The following FHIT variants were observed in gnomAD, a reference collection of about 807,000 sequenced individuals.
The protein encoded by FHIT is fragile histidine triad diadenosine triphosphatase.
Under a neutral mutation model 17.9 loss-of-function variants are expected in FHIT, and 19 were observed. That is an observed-to-expected ratio of 1.06 (90% confidence interval 0.74 to 1.56). The LOEUF is 1.56. FHIT is among the 40% of genes most tolerant of loss of function. The probability of loss-of-function intolerance (pLI) is 0.00; values close to 1 mark genes in which losing one functional copy is unlikely to be tolerated. For synonymous variants in FHIT, 81 were observed against 69.7 expected, an observed-to-expected ratio of 1.16 and a Z score of -0.81; for missense variants, 248 against 189.2, an observed-to-expected ratio of 1.31 and a Z score of -1.82.
chr3:61,184,996 C>A (rs557323840), intron 2 of FHIT, among the ~76,000 whole-genome samples: 4 of 152,140 alleles, frequency 2.6e-5, no homozygotes, highest in Non-Finnish European at 5.9e-5. Context: ...GAAAACACAA[C>A]TGGTGATTTC....
chr3:60,331,050 A>G lies in FHIT; in HGVS notation c.103+205810T>C, dbSNP rs1244567589. Among the ~76,000 whole-genome samples, 3 of 152,254 alleles carry G rather than the reference A, an allele frequency of 2.0e-5. No individual in the cohort carries two copies. In the East Asian group the frequency reaches 5.8e-4, roughly 29 times the overall value. ...TCCTCCTGTCACCAGAATCCCCTGCATATCTTAGCGTGGAGTTGAAGGTCT... is the reference window on the plus strand; with the variant it reads ...TCCTCCTGTCACCAGAATCCCCTGCGTATCTTAGCGTGGAGTTGAAGGTCT... On this transcript the variant is annotated intron_variant, in intron 5 of 9. Transcript: ENST00000492590.
In FHIT at chr3:60,578,749, T is replaced by C. The variant is rs868920919; in HGVS notation, c.-17-41770A>G. On this transcript the variant is annotated intron_variant, in intron 4 of 9. Coordinates refer to ENST00000492590, the MANE Select transcript of FHIT (RefSeq NM_002012.4). The stretch of plus-strand genomic sequence containing the variant: ...CCTAATGTTAATATTCTAAAATAAA[T>C]GAAACATTTTTGAAGGGAGTATTCA... Among the ~76,000 whole-genome samples, 23 of 152,058 alleles carry C rather than the reference T, an allele frequency of 1.5e-4. No individual in the cohort carries two copies. In the South Asian group the frequency reaches 3.1e-3, roughly 21 times the overall value.
intron 5 of FHIT, among the ~76,000 whole-genome samples, chr3:60,137,911 C>T (rs777577180): frequency 5.9e-5 from 9 of 152,124 alleles, no homozygotes; most frequent in South Asian, 2.1e-4. Context: ...TGGTTACATG[C>T]TTCTCATATC....
Position 61,245,475 on chromosome 3 carries a change from G to A in FHIT, c.-213+5826C>T, listed in dbSNP as rs2040467397. 2.0e-5 allele frequency among the ~76,000 whole-genome samples: 3 copies of A among 152,222 alleles called. No homozygotes were observed. In the South Asian group the frequency reaches 6.2e-4, roughly 32 times the overall value. ...TATCCTAAGTACTTGCTACTCAAAG[G>A]ACGATCCATGGACCAGCAGCATCAG... On this transcript the variant is annotated intron_variant, in intron 1 of 9. Coordinates refer to ENST00000492590, the MANE Select transcript of FHIT (RefSeq NM_002012.4).
At chr3:60,399,199 C>T (rs1291694686) in intron 5 of FHIT, among the ~76,000 whole-genome samples, 1 of 152,132 alleles carries the variant, frequency 6.6e-6, no homozygotes, top group Non-Finnish European at 1.5e-5. Context: ...ATCATCATAT[C>T]TGCTTTATTA....
chr3:60,581,491 AT>A (rs2037748609), intron 4 of FHIT, among the ~76,000 whole-genome samples: 1 of 152,056 alleles, frequency 6.6e-6, no homozygotes, highest in Admixed American at 6.6e-5. Flanking sequence ...GGTAGGTAAT[AT>A]TTTTGTTTTA....
intron 5 of FHIT, among the ~76,000 whole-genome samples, chr3:60,033,052 T>G (rs1361028699): frequency 4.6e-5 from 7 of 152,138 alleles, no homozygotes; most frequent in Non-Finnish European, 1.0e-4. Flanking sequence ...CATAACAATA[T>G]TGGATTAAAA....
At chr3:61,087,143 C>T (rs1234196522) in intron 2 of FHIT, among the ~76,000 whole-genome samples, 5 of 152,096 alleles carry the variant, frequency 3.3e-5, no homozygotes, top group Non-Finnish European at 7.4e-5. Flanking sequence ...GACAATTTAT[C>T]TAATCTTGTG....
At chr3:60,631,876 T>C (rs552955191) in intron 4 of FHIT, among the ~76,000 whole-genome samples, 1 of 152,282 alleles carries the variant, frequency 6.6e-6, no homozygotes, top group Non-Finnish European at 1.5e-5. Context: ...CAGTTTCTTC[T>C]GAGATGAAAC....
intron 5 of FHIT, among the ~76,000 whole-genome samples, chr3:60,014,747 G>C (rs966497119): frequency 6.6e-6 from 1 of 152,124 alleles, no homozygotes; most frequent in African/African-American, 2.4e-5. Context: ...TTTATGACAA[G>C]AGTTCCTCAG....
chr3:61,129,806 G>A (rs1185409044), intron 2 of FHIT, among the ~76,000 whole-genome samples: 2 of 152,182 alleles, frequency 1.3e-5, no homozygotes, highest in Non-Finnish European at 2.9e-5. Flanking sequence ...GTGCTTAAAT[G>A]TTCAGTAAAT....
intron 2 of FHIT, among the ~76,000 whole-genome samples, chr3:61,146,370 T>A (rs1298584758): frequency 6.6e-6 from 1 of 152,032 alleles, no homozygotes; most frequent in East Asian, 1.9e-4. Context: ...GTTGGGATAA[T>A]CACAGGGTTT....
chr3:61,194,737 G>C (rs2038807785), intron 2 of FHIT, among the ~76,000 whole-genome samples: 2 of 152,146 alleles, frequency 1.3e-5, no homozygotes, highest in Admixed American at 1.3e-4. Flanking sequence ...GCATTTTCAA[G>C]TCACACATGG....
intron 8 of FHIT, among the ~76,000 whole-genome samples, chr3:59,867,338 A>T (rs1005327636): frequency 5.3e-5 from 8 of 151,396 alleles, no homozygotes; most frequent in Non-Finnish European, 1.0e-4. Flanking sequence ...GCAATGCAAG[A>T]TCAAAACATA....
chr3:60,364,772 T>C (rs556796804), intron 5 of FHIT, among the ~76,000 whole-genome samples: 1 of 152,130 alleles, frequency 6.6e-6, no homozygotes, highest in Non-Finnish European at 1.5e-5. Flanking sequence ...CCTTTCCTAA[T>C]ATGGATGGGC....
At chr3:60,043,226 A>G (rs936086494) in intron 5 of FHIT, among the ~76,000 whole-genome samples, 16 of 152,360 alleles carry the variant, frequency 1.1e-4, no homozygotes, top group African/African-American at 3.6e-4. Flanking sequence ...CTAAGTTAGC[A>G]TGGAAGTGGC....
intron 5 of FHIT, among the ~76,000 whole-genome samples, chr3:60,280,616 C>G (rs1044031958): frequency 3.3e-5 from 5 of 152,276 alleles, no homozygotes; most frequent in African/African-American, 1.2e-4. Context: ...CAGAAGCTGT[C>G]AAGGAATGGA....
intron 2 of FHIT, among the ~76,000 whole-genome samples, chr3:61,121,448 T>C (rs1459044718): frequency 6.6e-6 from 1 of 151,882 alleles, no homozygotes; most frequent in African/African-American, 2.4e-5. Flanking sequence ...TTAACATTCT[T>C]AAAGAATTTT....
chr3:61,079,924 C>A (rs536609967), intron 2 of FHIT, among the ~76,000 whole-genome samples: 2 of 152,094 alleles, frequency 1.3e-5, no homozygotes, highest in East Asian at 1.9e-4. Context: ...TTTCTTTCCC[C>A]AAAATTATTT....
Sources: allele counts gnomAD v4.1 joint callset (sites outside exome capture counted in the v4.1 genomes callset), GRCh38; gene constraint gnomAD v4.1.1; transcripts MANE v1.5; gene names NCBI Gene and HGNC (gene_info 2026-07-23, HGNC 2026-07-21).